Variants in MRPL21 observed in about 807,000 individuals in gnomAD.
MRPL21 encodes mitochondrial ribosomal protein L21.
Under a neutral mutation model 27.3 loss-of-function variants are expected in MRPL21, and 20 were observed. The ratio of observed to expected loss-of-function variants is 0.73; its 90% CI spans 0.52 to 1.06. MRPL21 has a LOEUF of 1.06. MRPL21 is among the 50% of genes least tolerant of loss of function. The pLI is 0.00. For missense variants in MRPL21, 249 were observed against 251.4 expected (o/e 0.99, Z 0.06); for synonymous variants, 98 against 101.5 (o/e 0.97, Z 0.21).
chr11:68,891,465 G>C, intron 6 of MRPL21, 70 bp from the exon 7 acceptor site: 1 of 1,503,540 alleles, frequency 6.7e-7, no homozygotes, highest in Non-Finnish European at 9.2e-7. Flanking sequence ...CAGGGGCTCT[G>C]CACACAGCCC....
chr11:68,896,478 G>A, intron 4 of MRPL21, 37 bp downstream of exon 4: 2 of 1,608,874 alleles, frequency 1.2e-6, no homozygotes, highest in East Asian at 2.2e-5. Context: ...CTTGGTGGCT[G>A]AGTCCCTGAA....
At chr11:68,891,489 C>T (rs914142767) in intron 6 of MRPL21, 94 bp from the exon 7 acceptor site, 14 of 1,253,686 alleles carry the variant, frequency 1.1e-5, no homozygotes, top group East Asian at 2.3e-5. Flanking sequence ...CCAGCCAGCG[C>T]GACCCCGGCA....
In MRPL21 at chr11:68,896,387, C is replaced by A; in HGVS notation, c.396+128G>T. The A allele has an allele frequency of 3.2e-6, 4 of 1,245,156 alleles. No individual in the cohort carries two copies. In the South Asian group the frequency reaches 4.1e-5, roughly 13 times the overall value. The allele number at this position is 1,245,156 out of a possible 1,614,324, so 77.1% of individuals were successfully genotyped here. A position where few individuals can be genotyped will look rare whatever the true frequency, so the allele number is the denominator to read the frequency against. Reference sequence around the variant, plus strand: ...GGCGCCCCCCAAAGTCCCTTCTGAGCCTCAGCTTTGTTGGCCTCCACCTGA... The same window carrying A: ...GGCGCCCCCCAAAGTCCCTTCTGAGACTCAGCTTTGTTGGCCTCCACCTGA... On this transcript the variant is annotated intron_variant, in intron 4 of 6. Coordinates refer to ENST00000362034, the MANE Select transcript of MRPL21 (RefSeq NM_181514.2).
At chr11:68,900,463 C>A in intron 2 of MRPL21, 85 bp downstream of exon 2, 1 of 1,230,638 alleles carries the variant, frequency 8.1e-7, no homozygotes, top group African/African-American at 1.5e-5. Flanking sequence ...TTATTGAGAA[C>A]CAAAAGGTAG....
chr11:68,893,828 C>T (rs1857714340), intron 4 of MRPL21, among the ~76,000 whole-genome samples: 1 of 152,170 alleles, frequency 6.6e-6, no homozygotes, highest in South Asian at 2.1e-4. Context: ...AATCCCAGCA[C>T]TTTGGGAGGC....
At chr11:68,895,862 G>C (rs954093581) in intron 4 of MRPL21, among the ~76,000 whole-genome samples, 1 of 152,014 alleles carries the variant, frequency 6.6e-6, no homozygotes. Context: ...GTAGAGATGA[G>C]GTCTCTGAGG....
Position 68,903,803 on chromosome 11 carries a change from G to T in MRPL21, c.8C>A (p.Ala3Glu). 7.5e-7 allele frequency: 1 copy of T among 1,336,424 alleles called. No homozygotes were observed. The highest frequency in any genetic ancestry group is 1.0e-6 in the Non-Finnish European group (1 of 973,938). 82.8% of individuals were successfully genotyped at this position (1,336,424 alleles called of 1,614,324 possible). A position where few individuals can be genotyped will look rare whatever the true frequency, so the allele number is the denominator to read the frequency against. ...CCCTAAGGTGACCGTCAGGGAAGAT[G>T]CTGCCATGGCCGCAGCCTCGGCCGG... MA[A>E]SSLTVTLGRL... The change falls in exon 1 of 7, where the codon GCA becomes GAA. Residue 3 changes from alanine to glutamate, a missense_variant. Ala to Glu is a moderately radical substitution (Grantham distance 107). Transcript: ENST00000362034.
intron 3 of MRPL21, among the ~76,000 whole-genome samples, chr11:68,897,400 G>A (rs766571734): frequency 5.3e-5 from 8 of 152,230 alleles, no homozygotes; most frequent in Non-Finnish European, 1.0e-4. Flanking sequence ...ACTCTTGGCA[G>A]ACTTGTTTCA....
At chr11:68,902,249 GA>G (rs1374933910) in intron 1 of MRPL21, among the ~76,000 whole-genome samples, 2 of 152,334 alleles carry the variant, frequency 1.3e-5, no homozygotes, top group East Asian at 1.9e-4. Context: ...CATAGCATTG[GA>G]GGGGTGGTTT....
At chr11:68,900,979 G>A (rs1337961933) in intron 1 of MRPL21, among the ~76,000 whole-genome samples, 1 of 152,228 alleles carries the variant, frequency 6.6e-6, no homozygotes, top group Non-Finnish European at 1.5e-5. Flanking sequence ...CCCCCTGGGA[G>A]TGGCCTGTGT....
At position 68,895,393 on chromosome 11, in the gene MRPL21, T is replaced by C. The variant is rs539870753; in HGVS notation, c.396+1122A>G. On this transcript the variant is annotated intron_variant, in intron 4 of 6. Transcript: ENST00000362034. ...GGCCAGGCACGTTGGCTCATGCCTA[T>C]AATCCCAGCGCTTTGGGAGGCCAAG... Among the ~76,000 whole-genome samples, 3 of 152,230 alleles carry C rather than the reference T, an allele frequency of 2.0e-5. No individual in the cohort carries two copies. In the South Asian group the frequency reaches 6.2e-4, roughly 32 times the overall value.
chr11:68,898,082 G>T, intron 2 of MRPL21, 70 bp from the exon 3 acceptor site: 1 of 1,254,880 alleles, frequency 8.0e-7, no homozygotes, highest in Non-Finnish European at 1.2e-6. Flanking sequence ...CTAAGAAATG[G>T]CCACACACAA....
intron 1 of MRPL21, among the ~76,000 whole-genome samples, chr11:68,903,443 T>C (rs1858023933): frequency 6.6e-6 from 1 of 152,204 alleles, no homozygotes; most frequent in Non-Finnish European, 1.5e-5. Flanking sequence ...CCCCGCTGTG[T>C]GACCCTGGGC....
chr11:68,893,188 A>G, intron 5 of MRPL21, 195 bp from the exon 6 acceptor site: 2 of 1,350,116 alleles, frequency 1.5e-6, no homozygotes, highest in Non-Finnish European at 2.0e-6. Flanking sequence ...AAATCTTCAG[A>G]GGACCACACT....
Position 68,891,515 on chromosome 11 carries a change from C to T in MRPL21, c.554-120G>A, listed in dbSNP as rs573590850. On this transcript the variant is annotated intron_variant, in intron 6 of 6. Transcript: ENST00000362034. Reference sequence around the variant, plus strand: ...GACCCCGGCAACGTCCCCTGCTGCACATGGCCGTGTTTATCTCCAGGTGTG... The same window carrying T: ...GACCCCGGCAACGTCCCCTGCTGCATATGGCCGTGTTTATCTCCAGGTGTG... The T allele has an allele frequency of 5.7e-5, 53 of 930,844 alleles. No homozygotes were observed. The East Asian group carries it at 1.1e-3, about 19-fold the overall frequency. 57.7% of individuals were successfully genotyped at this position (930,844 alleles called of 1,614,324 possible).
intron 2 of MRPL21, among the ~76,000 whole-genome samples, chr11:68,898,378 G>A (rs1857853506): frequency 1.3e-5 from 2 of 152,204 alleles, no homozygotes; most frequent in South Asian, 4.1e-4. Flanking sequence ...CCACAACCCA[G>A]GACACAGGGC....
intron 1 of MRPL21, among the ~76,000 whole-genome samples, chr11:68,902,448 T>C (rs1041928087): frequency 4.6e-5 from 7 of 152,250 alleles, no homozygotes; most frequent in African/African-American, 1.7e-4. Context: ...GGCATCTACA[T>C]TGCCTCTGGC....
chr11:68,891,856 A>G, intron 6 of MRPL21: 1 of 471,890 alleles, frequency 2.1e-6, no homozygotes, highest in South Asian at 5.6e-5. Context: ...TTATAGCAAG[A>G]GCTGTGAGGG....
At position 68,903,768 on chromosome 11, in the gene MRPL21, A is replaced by C. The variant is rs1858045068; in HGVS notation, c.43T>G (p.Ser15Ala). The change falls in exon 1 of 7, where the codon TCC (serine) becomes GCC (alanine). Residue 15 changes from serine (S) to alanine (A), a missense_variant. Physicochemically the swap from Ser to Ala is moderately conservative, Grantham distance 99 (BLOSUM62 1). Coordinates refer to ENST00000362034, the MANE Select transcript of MRPL21 (RefSeq NM_181514.2). ...CTCAGGATGCTGTGGCTGCACGCGG[A>C]CGCCAGCCGCCCTAAGGTGACCGTC... ...SLTVTLGRLA[S>A]ACSHSILRPS... 1 of 1,613,062 alleles carries C rather than the reference A, an allele frequency of 6.2e-7. No individual in the cohort carries two copies. Among genetic ancestry groups the C allele is most frequent in the East Asian group, 2.2e-5 (1 of 44,882 alleles).
Sources: gnomAD v4.1 joint callset for allele counts (sites outside exome capture counted in the v4.1 genomes callset) on GRCh38, gnomAD v4.1.1 for gene constraint, MANE v1.5 for transcripts, NCBI Gene and HGNC (gene_info 2026-07-23, HGNC 2026-07-21) for gene names.